Variants in COX7A2L observed in about 807,000 individuals in gnomAD.
The protein encoded by COX7A2L is cytochrome c oxidase subunit 7A2 like, also known as cytochrome c oxidase subunit 7A2-like, mitochondrial.
Under a neutral mutation model 14.2 loss-of-function variants are expected in COX7A2L, and 18 were observed. The ratio of observed to expected loss-of-function variants is 1.27; its 90% CI spans 0.88 to 1.88. The LOEUF is 1.88. Ranked by LOEUF, COX7A2L falls within the 40% of genes most tolerant of loss-of-function variation. COX7A2L has a pLI of 0.00. For missense variants in COX7A2L, 179 were observed against 138.8 expected (o/e 1.29, Z -1.46); for synonymous variants, 65 against 57.4 (o/e 1.13, Z -0.60).
chr2:42,348,840 C>T (rs993854039), downstream of COX7A2L, among the ~76,000 whole-genome samples: 3 of 152,024 alleles, frequency 2.0e-5, no homozygotes, highest in African/African-American at 2.4e-5. Flanking sequence ...ATTGCTTGAA[C>T]GTGAGAGGCG....
intron 1 of COX7A2L, among the ~76,000 whole-genome samples, chr2:42,354,505 T>C (rs953712196): frequency 6.6e-6 from 1 of 152,206 alleles, no homozygotes; most frequent in African/African-American, 2.4e-5. Context: ...GGAAACCTCT[T>C]GCCCAAATAC....
In COX7A2L at chr2:42,342,223, G is replaced by C. The variant is rs1670415941; in HGVS notation, c.193-8354C>G. Among the ~76,000 whole-genome samples, 1 of 152,102 alleles carries C rather than the reference G, an allele frequency of 6.6e-6. No individual in the cohort carries two copies. The highest frequency in any genetic ancestry group is 1.9e-4 in the East Asian group (1 of 5,176). ...CTGAAGCCTAAGCCTGGTACAGCTGGAACCCTGAAGGGGGCCCTGGACCAG... is the reference window on the plus strand; with the variant it reads ...CTGAAGCCTAAGCCTGGTACAGCTGCAACCCTGAAGGGGGCCCTGGACCAG... On this transcript the variant is annotated intron_variant, in intron 2 of 2. Transcript: ENST00000468711. The surrounding 1 kb of genome is among the most constrained non-coding windows in gnomAD (Gnocchi z 4.9).
intron 2 of COX7A2L, among the ~76,000 whole-genome samples, chr2:42,340,044 C>T (rs1422789312): frequency 6.6e-6 from 1 of 152,148 alleles, no homozygotes; most frequent in Admixed American, 6.5e-5. Context: ...TATTCGGTCT[C>T]GAGTTTTAAC....
chr2:42,361,312 A>C (rs1671044159), upstream of COX7A2L: 2 of 678,726 alleles, frequency 2.9e-6, no homozygotes, highest in Non-Finnish European at 2.5e-6. Flanking sequence ...AAACCTGCAC[A>C]CTTAAGCCGC....
chr2:42,367,157 G>T (rs890988566), intron 1 of COX7A2L, among the ~76,000 whole-genome samples: 2 of 152,214 alleles, frequency 1.3e-5, no homozygotes, highest in African/African-American at 4.8e-5. Flanking sequence ...GAAACTGAAA[G>T]TCATGGCCCT....
chr2:42,362,057 T>G, upstream of COX7A2L, among the ~76,000 whole-genome samples: 1 of 152,070 alleles, frequency 6.6e-6, no homozygotes, highest in Non-Finnish European at 1.5e-5. Context: ...CTCACCTGAG[T>G]TTTAAGGTCA....
chr2:42,337,287 C>A (rs1252438735), intron 2 of COX7A2L, among the ~76,000 whole-genome samples: 1 of 152,058 alleles, frequency 6.6e-6, no homozygotes, highest in Non-Finnish European at 1.5e-5. Flanking sequence ...TAATACTTAG[C>A]AAGAAAAAGG....
chr2:42,362,712 CAA>C (rs1424130057), upstream of COX7A2L, among the ~76,000 whole-genome samples: 1 of 152,144 alleles, frequency 6.6e-6, no homozygotes, highest in Non-Finnish European at 1.5e-5. Flanking sequence ...TCAGCACCGC[CAA>C]TATGTTGTAA....
At chr2:42,355,715 TTC>T (rs1303154558) in intron 1 of COX7A2L, among the ~76,000 whole-genome samples, 2 of 134,468 alleles carry the variant, frequency 1.5e-5, no homozygotes, top group African/African-American at 2.8e-5. Context: ...AAATCCTACG[TTC>T]TTTTTTTTTT....
chr2:42,343,850 G>A (rs558279268), intron 2 of COX7A2L, among the ~76,000 whole-genome samples: 35 of 152,288 alleles, frequency 2.3e-4, no homozygotes, highest in Admixed American at 3.9e-4. Context: ...GAAAAAAGCA[G>A]ATAAATAAAC....
intron 2 of COX7A2L, among the ~76,000 whole-genome samples, chr2:42,340,914 G>C (rs139237280): frequency 3.3e-5 from 5 of 152,314 alleles, no homozygotes; most frequent in African/African-American, 1.2e-4. Flanking sequence ...GATGGCAAAG[G>C]TGGGGCAAAT....
intron 1 of COX7A2L, among the ~76,000 whole-genome samples, chr2:42,357,380 C>G (rs1017863037): frequency 1.3e-5 from 2 of 152,208 alleles, no homozygotes; most frequent in African/African-American, 4.8e-5. Context: ...TTGATCACAG[C>G]TCACTGCAGC....
Position 42,342,541 on chromosome 2 carries a change from A to G in COX7A2L, c.193-8672T>C, listed in dbSNP as rs1670420568. 6.6e-6 allele frequency among the ~76,000 whole-genome samples: 1 copy of G among 152,026 alleles called. No individual in the cohort carries two copies. The highest frequency in any genetic ancestry group is 2.4e-5 in the African/African-American group (1 of 41,374). On this transcript the variant is annotated intron_variant, in intron 2 of 2. Coordinates refer to the COX7A2L transcript ENST00000468711. This position sits in a 1 kb window ranked among gnomAD's most constrained non-coding sequence, Gnocchi z 4.9. Reference sequence around the variant, plus strand: ...AACCTTCTCTGCCAAAGGGGAGGCAACGCCACCATTTCTCACAGCCTGGGG... The same window carrying G: ...AACCTTCTCTGCCAAAGGGGAGGCAGCGCCACCATTTCTCACAGCCTGGGG...
chr2:42,349,671 A>T lies in COX7A2L; in HGVS notation c.*1548T>A, dbSNP rs953521969. On this transcript the variant is annotated 3_prime_UTR_variant, in exon 3 of 3. Transcript: ENST00000234301. ...ACTATGAAGAACTCATTATTAGAACACCTGGGGAAATCTGAAAGTAAACTA... is the reference window on the plus strand; with the variant it reads ...ACTATGAAGAACTCATTATTAGAACTCCTGGGGAAATCTGAAAGTAAACTA... 6.6e-6 allele frequency: 1 copy of T among 152,218 alleles called. No homozygotes were observed. Among genetic ancestry groups the T allele is most frequent in the African/African-American group, 2.4e-5 (1 of 41,446 alleles). 9.4% of individuals were successfully genotyped at this position (152,218 alleles called of 1,614,324 possible).
chr2:42,351,436 T>C, intron 2 of COX7A2L, 77 bp from the exon 3 acceptor site: 4 of 1,538,572 alleles, frequency 2.6e-6, no homozygotes, highest in Non-Finnish European at 3.5e-6. Flanking sequence ...AATAACAAAT[T>C]TGTCTACTCG....
At position 42,342,610 on chromosome 2, in the gene COX7A2L, G is replaced by A. The variant is rs1206057742; in HGVS notation, c.193-8741C>T. Among the ~76,000 whole-genome samples the A allele has an allele frequency of 1.3e-5, 2 of 152,168 alleles. No homozygotes were observed. Among genetic ancestry groups the A allele is most frequent in the African/African-American group, 2.4e-5 (1 of 41,448 alleles). On this transcript the variant is annotated intron_variant, in intron 2 of 2. Transcript: ENST00000468711. This position sits in a 1 kb window ranked among gnomAD's most constrained non-coding sequence, Gnocchi z 4.9. ...TTGGAGTCAGCAAAGATTCCAATCT[G>A]GCTAATACACATTAGGCAGTGTAGA...
In COX7A2L at chr2:42,355,006, A is replaced by C. The variant is rs1670771873; in HGVS notation, c.73-1663T>G. 2.6e-5 allele frequency among the ~76,000 whole-genome samples: 4 copies of C among 152,242 alleles called. No individual in the cohort carries two copies. The South Asian group carries it at 8.3e-4, about 31-fold the overall frequency. On this transcript the variant is annotated intron_variant, in intron 1 of 2. Coordinates refer to ENST00000234301, the MANE Select transcript of COX7A2L (RefSeq NM_004718.4). ...GAGAGAATAACTTGCCTTTGATCAA[A>C]TAGTGAAAAGCAAGTCAAGTTTTCA...
chr2:42,342,791 G>C lies in COX7A2L; in HGVS notation c.193-8922C>G, dbSNP rs965665659. Among the ~76,000 whole-genome samples, 6 of 151,438 alleles carry C rather than the reference G, an allele frequency of 4.0e-5. No homozygotes were observed. The highest frequency in any genetic ancestry group is 1.2e-4 in the African/African-American group (5 of 40,764). On this transcript the variant is annotated intron_variant, in intron 2 of 2. Transcript: ENST00000468711. This position sits in a 1 kb window ranked among gnomAD's most constrained non-coding sequence, Gnocchi z 4.9. ...AAAGAATGCTCTTCCTGGCCATTCA[G>C]CGCCCCCCGTTTCGGGTTTTGCAGC...
At chr2:42,346,250 G>A (rs1670495897), downstream of COX7A2L, among the ~76,000 whole-genome samples, 1 of 152,192 alleles carries the variant, frequency 6.6e-6, no homozygotes, top group Non-Finnish European at 1.5e-5. Context: ...GGTCTGCAGA[G>A]ACAGAATTAA....
Sources: gnomAD v4.1 joint callset for allele counts (sites outside exome capture counted in the v4.1 genomes callset) on GRCh38, gnomAD v4.1.1 for gene constraint, Gnocchi (gnomAD v3.1) non-coding constraint, MANE v1.5 for transcripts, NCBI Gene and HGNC (gene_info 2026-07-23, HGNC 2026-07-21) for gene names.